The following ADCY8 variants were observed in gnomAD, a reference collection of about 807,000 sequenced individuals.
ADCY8 encodes adenylate cyclase 8.
Under a neutral mutation model 119.7 loss-of-function variants are expected in ADCY8, and 51 were observed. The ratio of observed to expected loss-of-function variants is 0.43; its 90% confidence interval spans 0.34 to 0.54. The LOEUF (loss-of-function observed/expected upper bound fraction) is 0.54. Among genes scored for constraint, ADCY8 ranks in the 20% least tolerant of loss-of-function variants. The probability of loss-of-function intolerance (pLI) is 0.03; values close to 1 mark genes in which losing one functional copy is unlikely to be tolerated. For synonymous variants in ADCY8, 665 were observed against 651.0 expected, an observed-to-expected ratio of 1.02 and a Z score of -0.33; for missense variants, 1,383 against 1,598.8, an observed-to-expected ratio of 0.87 and a Z score of 2.30.
At chr8:130,917,389 C>T (rs970987887) in intron 5 of ADCY8, among the ~76,000 whole-genome samples, 6 of 152,270 alleles carry the variant, frequency 3.9e-5, no homozygotes, top group East Asian at 3.9e-4. Flanking sequence ...TTAAGTCACA[C>T]GGGTGTTAGG....
intron 9 of ADCY8, among the ~76,000 whole-genome samples, chr8:130,857,259 T>TAAAAAG (rs1817772628): frequency 6.6e-6 from 1 of 151,480 alleles, no homozygotes; most frequent in Non-Finnish European, 1.5e-5. Flanking sequence ...AAAATAAAAA[T>TAAAAAG]AAAAACAAAA....
At chr8:130,932,247 T>TG (rs1820651509) in intron 5 of ADCY8, among the ~76,000 whole-genome samples, 1 of 152,170 alleles carries the variant, frequency 6.6e-6, no homozygotes, top group South Asian at 2.1e-4. Context: ...TGCTAAGGGA[T>TG]GTCCAGAGCC....
chr8:130,970,248 T>C (rs1201480495), intron 2 of ADCY8, among the ~76,000 whole-genome samples: 1 of 152,212 alleles, frequency 6.6e-6, no homozygotes, highest in African/African-American at 2.4e-5. Context: ...AGGCTTCATC[T>C]GTATTTACAG....
chr8:130,835,837 A>T (rs922288493), intron 12 of ADCY8, among the ~76,000 whole-genome samples: 4 of 152,146 alleles, frequency 2.6e-5, no homozygotes, highest in Non-Finnish European at 5.9e-5. Flanking sequence ...ATTTTTTTTA[A>T]AGTATTTTCA....
chr8:130,830,172 C>T (rs1816788155), intron 12 of ADCY8, among the ~76,000 whole-genome samples: 1 of 152,120 alleles, frequency 6.6e-6, no homozygotes, highest in Middle Eastern at 3.2e-3. Context: ...AATTGAAAAG[C>T]AGCCCCAAAT....
intron 12 of ADCY8, among the ~76,000 whole-genome samples, chr8:130,829,800 A>G (rs1029044158): frequency 2.0e-5 from 3 of 152,240 alleles, no homozygotes; most frequent in Admixed American, 6.5e-5. Context: ...ATCCAATGCC[A>G]CTTATCCTAA....
At chr8:130,976,874 T>C (rs904856461) in intron 2 of ADCY8, among the ~76,000 whole-genome samples, 1 of 152,208 alleles carries the variant, frequency 6.6e-6, no homozygotes, top group Non-Finnish European at 1.5e-5. Flanking sequence ...AAATTACCTT[T>C]ACATGGAGCT....
In ADCY8 at chr8:130,780,677, C is replaced by G; in HGVS notation, c.3469G>C (p.Gly1157Arg). 5 of 1,614,134 alleles carry G rather than the reference C, an allele frequency of 3.1e-6. No individual in the cohort carries two copies. The highest frequency in any genetic ancestry group is 4.2e-6 in the Non-Finnish European group (5 of 1,180,002). The stretch of plus-strand genomic sequence containing the variant: ...ATTTTTCCTTCCTGTTCACTGATAC[C>G]CTTCACATAGATCTCCCCTCGGTAA... ...FDYRGEIYVK[G>R]ISEQEGKIKT... is the part of the protein sequence containing the mutation. Residue 1157 changes from glycine (G) to arginine (R), a missense_variant, in exon 18 of 18, where the codon GGT becomes CGT. This residue lies in a region of ADCY8 where 928 missense variants were observed against 1,163.5 expected (regional missense o/e 0.80). Transcript: ENST00000286355.
intron 1 of ADCY8, among the ~76,000 whole-genome samples, chr8:131,020,323 G>A (rs1240694194): frequency 2.0e-5 from 3 of 152,148 alleles, no homozygotes; most frequent in African/African-American, 7.2e-5. Context: ...GTGAGGACCA[G>A]TATCTTCTGC....
intron 5 of ADCY8, among the ~76,000 whole-genome samples, chr8:130,917,584 GGT>G (rs1820166823): frequency 6.6e-6 from 1 of 152,152 alleles, no homozygotes; most frequent in Admixed American, 6.5e-5. Flanking sequence ...TTCCTGCCCT[GGT>G]GCCCCGGAAT....
chr8:130,827,222 A>T (rs1816696053), intron 12 of ADCY8, among the ~76,000 whole-genome samples: 1 of 152,226 alleles, frequency 6.6e-6, no homozygotes, highest in Middle Eastern at 3.2e-3. Flanking sequence ...AATGAAGAGC[A>T]TCCCCAAATT....
At chr8:130,907,280 C>T (rs116276608) in intron 6 of ADCY8, among the ~76,000 whole-genome samples, 1,622 of 152,096 alleles carry the variant, frequency 0.011, 34 homozygotes, top group African/African-American at 0.038. Flanking sequence ...AATAAACTCT[C>T]GGGTAATTCC....
intron 2 of ADCY8, among the ~76,000 whole-genome samples, chr8:130,990,170 C>T (rs183737462): frequency 6.3e-4 from 96 of 152,270 alleles, no homozygotes; most frequent in African/African-American, 2.2e-3. Context: ...TGACTGTAAC[C>T]TCTTTATTTC....
intron 7 of ADCY8, among the ~76,000 whole-genome samples, chr8:130,889,817 C>T (rs896268508): frequency 4.6e-5 from 7 of 152,100 alleles, no homozygotes; most frequent in Non-Finnish European, 1.0e-4. Context: ...CATAATCTGA[C>T]CTATTAAGTA....
chr8:130,848,775 G>A (rs1216654084), intron 10 of ADCY8, among the ~76,000 whole-genome samples: 1 of 152,144 alleles, frequency 6.6e-6, no homozygotes, highest in African/African-American at 2.4e-5. Context: ...GGACAACACA[G>A]ACTACTTGTA....
rs141348348 is a variant in ADCY8 at position 131,015,927 on chromosome 8, G to C, written c.960+23447C>G. ...AGAGAGGAAGCCTGTGTCTACCTAA[G>C]AATGACAGCAAACATCAATACACAG... On this transcript the variant is annotated intron_variant, in intron 1 of 17. Coordinates refer to ENST00000286355, the MANE Select transcript of ADCY8 (RefSeq NM_001115.3). Among the ~76,000 whole-genome samples, 19 of 152,178 alleles carry C rather than the reference G, an allele frequency of 1.2e-4. No individual in the cohort carries two copies. In the East Asian group the frequency reaches 3.7e-3, roughly 30 times the overall value.
At chr8:131,015,798 C>G (rs1185674938) in intron 1 of ADCY8, among the ~76,000 whole-genome samples, 1 of 152,148 alleles carries the variant, frequency 6.6e-6, no homozygotes, top group Non-Finnish European at 1.5e-5. Context: ...AACAACTTCT[C>G]TACGCACATA....
intron 1 of ADCY8, among the ~76,000 whole-genome samples, chr8:131,026,942 T>C (rs1823841195): frequency 6.6e-6 from 1 of 152,208 alleles, no homozygotes; most frequent in South Asian, 2.1e-4. Flanking sequence ...GCAGAAAGAT[T>C]GAGGCTCTTG....
intron 1 of ADCY8, chr8:130,990,809 A>G: frequency 3.8e-6 from 1 of 264,924 alleles, no homozygotes; most frequent in Non-Finnish European, 7.1e-6. Flanking sequence ...CCTGCTGTGA[A>G]AAAGAGGGAA....
Sources: gnomAD v4.1 joint callset for allele counts (sites outside exome capture counted in the v4.1 genomes callset) on GRCh38, gnomAD v4.1.1 for gene constraint, gnomAD v4.1.1 regional missense constraint, MANE v1.5 for transcripts, NCBI Gene and HGNC (gene_info 2026-07-23, HGNC 2026-07-21) for gene names.